The following LARGE1 variants were observed in gnomAD, a reference collection of about 807,000 sequenced individuals.
The protein encoded by LARGE1 is LARGE xylosyl- and glucuronyltransferase 1.
Under a neutral mutation model 87.6 loss-of-function variants are expected in LARGE1, and 43 were observed. That is an observed-to-expected ratio of 0.49 (90% CI 0.38 to 0.63). The LOEUF is 0.63. LARGE1 is among the 30% of genes least tolerant of loss of function. The pLI, the probability that LARGE1 is intolerant of heterozygous loss-of-function variation, is 0.00. For missense variants in LARGE1, 802 were observed against 1,000.2 expected (o/e 0.80, Z 2.67); for synonymous variants, 434 against 394.6 (o/e 1.10, Z -1.18).
chr22:33,733,093 G>A (rs888222813), intron 2 of LARGE1: 10 of 152,094 alleles, frequency 6.6e-5, no homozygotes, highest in African/African-American at 1.7e-4. Context: ...CATTCATCTC[G>A]CAACAACCCC....
intron 7 of LARGE1, among the ~76,000 whole-genome samples, chr22:33,428,790 C>T (rs1232559539): frequency 2.1e-5 from 3 of 142,030 alleles, no homozygotes; most frequent in African/African-American, 7.7e-5. Flanking sequence ...ATTAGCCGGG[C>T]GTGGTGGTGG....
At position 33,564,937 on chromosome 22, in the gene LARGE1, G is replaced by A; in HGVS notation, c.698C>T (p.Ala233Val). ...AAGGACGATGACTCTCTCCAGGTTG[G>A]CAGGAAGAGTCTTGGTCAGGACAAG... The part of the protein sequence containing the change: ...MKLVLTKTLP[A>V]NLERVIVLDT... The change falls in exon 6 of 15, where the codon GCC becomes GTC. Residue 233 changes from alanine (A) to valine (V), a missense_variant. Physicochemically the swap from Ala to Val is moderately conservative, Grantham distance 64. Coordinates refer to ENST00000397394, the MANE Select transcript of LARGE1 (RefSeq NM_133642.5). The A allele has an allele frequency of 1.2e-6, 2 of 1,613,970 alleles. No individual in the cohort carries two copies. The highest frequency in any genetic ancestry group is 1.7e-6 in the Non-Finnish European group (2 of 1,179,838).
intron 11 of LARGE1, among the ~76,000 whole-genome samples, chr22:33,219,907 T>C (rs1306356203): frequency 2.0e-5 from 3 of 152,142 alleles, no homozygotes; most frequent in Non-Finnish European, 2.9e-5. Context: ...TTCCCAACAA[T>C]TTCTCTCATA....
At chr22:33,548,530 C>T (rs1193948447) in intron 6 of LARGE1, among the ~76,000 whole-genome samples, 1 of 152,170 alleles carries the variant, frequency 6.6e-6, no homozygotes, top group Admixed American at 6.5e-5. Context: ...ATTCCCCTGC[C>T]TTAGCCTCCC....
intron 10 of LARGE1, among the ~76,000 whole-genome samples, chr22:33,323,878 T>C (rs1275926192): frequency 6.6e-6 from 1 of 152,190 alleles, no homozygotes; most frequent in Non-Finnish European, 1.5e-5. Flanking sequence ...TAATTTAGGC[T>C]CGCTTATTCC....
intron 11 of LARGE1, 32 bp from the exon 12 acceptor site, chr22:33,304,539 C>T: frequency 2.0e-6 from 3 of 1,537,482 alleles, no homozygotes; most frequent in Non-Finnish European, 2.6e-6. Context: ...AGCCGCGGGA[C>T]CTGGGCCATC....
At chr22:33,593,119 G>A (rs1278490541) in intron 5 of LARGE1, among the ~76,000 whole-genome samples, 1 of 152,160 alleles carries the variant, frequency 6.6e-6, no homozygotes, top group Non-Finnish European at 1.5e-5. Context: ...GATTACAGGC[G>A]TGAGCCACAG....
chr22:33,829,615 A>G (rs1428190033), intron 1 of LARGE1, among the ~76,000 whole-genome samples: 1 of 152,122 alleles, frequency 6.6e-6, no homozygotes, highest in African/African-American at 2.4e-5. Context: ...TAGTTCCTTT[A>G]ATGGTTCCTG....
At chr22:33,282,763 C>A (rs1930699342) in intron 13 of LARGE1, among the ~76,000 whole-genome samples, 1 of 152,184 alleles carries the variant, frequency 6.6e-6, no homozygotes, top group Admixed American at 6.6e-5. Context: ...ACAGACCACT[C>A]ATACCACAAA....
chr22:33,747,443 G>A (rs1261862897), intron 2 of LARGE1, among the ~76,000 whole-genome samples: 1 of 151,914 alleles, frequency 6.6e-6, no homozygotes, highest in African/African-American at 2.4e-5. Context: ...TCTTCTCCCT[G>A]CCTGAAACTC....
At chr22:33,125,447 A>ATT in the LARGE1 span, among the ~76,000 whole-genome samples, 10,637 of 144,224 alleles carry the variant, frequency 0.074, 428 homozygotes, top group Non-Finnish European at 0.088. Flanking sequence ...CCTGCTTTCA[A>ATT]TTTTTTTTTT....
intron 11 of LARGE1, among the ~76,000 whole-genome samples, chr22:33,212,972 C>G (rs1423218723): frequency 6.7e-6 from 1 of 150,296 alleles, no homozygotes. Flanking sequence ...GAGCCGAGAT[C>G]GTGCCATTGC....
At chr22:33,775,851 T>TAAAAAA (rs35496819) in intron 1 of LARGE1, among the ~76,000 whole-genome samples, 2 of 122,360 alleles carry the variant, frequency 1.6e-5, no homozygotes, top group African/African-American at 6.4e-5. Flanking sequence ...GTCACTGTCT[T>TAAAAAA]AAAAAAAAAA....
chr22:33,422,362 T>C (rs1312125830), intron 7 of LARGE1, among the ~76,000 whole-genome samples: 2 of 152,142 alleles, frequency 1.3e-5, no homozygotes, highest in East Asian at 1.9e-4. Flanking sequence ...TCTGCAGGCT[T>C]TACAAGAAGT....
At chr22:33,919,359 C>T (rs1359120030) in intron 1 of LARGE1, among the ~76,000 whole-genome samples, 3 of 152,194 alleles carry the variant, frequency 2.0e-5, no homozygotes, top group African/African-American at 7.2e-5. Flanking sequence ...GGAGTCCTCA[C>T]TCCAAAACTT....
At chr22:33,128,340 T>A in the LARGE1 span, among the ~76,000 whole-genome samples, 1 of 152,026 alleles carries the variant, frequency 6.6e-6, no homozygotes, top group Non-Finnish European at 1.5e-5. Context: ...AACAAAGACA[T>A]AGAATCAACC....
intron 3 of LARGE1, among the ~76,000 whole-genome samples, chr22:33,626,654 G>A (rs566835287): frequency 6.6e-6 from 1 of 152,322 alleles, no homozygotes; most frequent in African/African-American, 2.4e-5. Context: ...GTTAAACAGA[G>A]AGGAAAGAAA....
chr22:33,497,856 C>T (rs778822305), intron 6 of LARGE1, among the ~76,000 whole-genome samples: 4 of 152,102 alleles, frequency 2.6e-5, no homozygotes, highest in Admixed American at 6.6e-5. Flanking sequence ...GCAAGAGTTA[C>T]AGAGTGCTTA....
At chr22:33,889,041 A>G (rs2064935949) in intron 1 of LARGE1, 1 of 152,162 alleles carries the variant, frequency 6.6e-6, no homozygotes, top group Non-Finnish European at 1.5e-5. Context: ...TTCAACCAGG[A>G]TATCACCTCA....
Sources: gnomAD v4.1 joint callset for allele counts (sites outside exome capture counted in the v4.1 genomes callset) on GRCh38, gnomAD v4.1.1 for gene constraint, MANE v1.5 for transcripts, NCBI Gene and HGNC (gene_info 2026-07-23, HGNC 2026-07-21) for gene names.